The following PDS5B variants were observed in gnomAD, a reference collection of about 807,000 sequenced individuals.
PDS5B encodes the protein sister chromatid cohesion protein PDS5 homolog B.
PDS5B carries 51 observed loss-of-function variants against 184.1 expected under a neutral mutation model. The observed-to-expected ratio is 0.28, with a 90% CI of 0.22 to 0.35. PDS5B has a LOEUF of 0.35. PDS5B is among the 10% of genes least tolerant of loss of function. The probability of loss-of-function intolerance (pLI) is 1.00; values close to 1 mark genes in which losing one functional copy is unlikely to be tolerated. For missense variants in PDS5B, 1,180 were observed against 1,723.3 expected, an observed-to-expected ratio of 0.68 and a Z score of 5.58; for synonymous variants, 566 against 569.2, an observed-to-expected ratio of 0.99 and a Z score of 0.08.
At chr13:32,612,519 C>G (rs955727534) in intron 1 of PDS5B, among the ~76,000 whole-genome samples, 8 of 152,180 alleles carry the variant, frequency 5.3e-5, no homozygotes, top group Non-Finnish European at 1.0e-4. Flanking sequence ...TCATTACCCT[C>G]AAAAGAAACC....
chr13:32,651,971 T>C lies in PDS5B; in HGVS notation c.276T>C (p.Ala92=). The C allele has an allele frequency of 6.2e-7, 1 of 1,613,670 alleles. No homozygotes were observed. Among genetic ancestry groups the C allele is most frequent in the Non-Finnish European group, 8.5e-7 (1 of 1,179,654 alleles). The change falls in exon 3 of 35, where the codon GCT becomes GCC. Residue 92 remains alanine (A), a synonymous_variant. Coordinates refer to ENST00000315596, the MANE Select transcript of PDS5B (RefSeq NM_015032.4). ...TTGCTGATATTTTCAGGATTTATGC[T>C]CCTGAAGCTCCTTACACATCCCCTG... ...CCLADIFRIY[A]PEAPYTSPDK... is the part of the protein sequence containing the mutation.
chr13:32,689,829 A>C (rs1951496899), intron 13 of PDS5B: 1 of 152,132 alleles, frequency 6.6e-6, no homozygotes, highest in African/African-American at 2.4e-5. Context: ...TCTTTTTCTC[A>C]TGGCAAAATT....
At chr13:32,642,735 A>C (rs548271085) in intron 1 of PDS5B, among the ~76,000 whole-genome samples, 20 of 143,382 alleles carry the variant, frequency 1.4e-4, no homozygotes, top group African/African-American at 4.8e-4. Context: ...CCAGTAACTG[A>C]AATTTGCTCT....
At chr13:32,758,406 G>A in intron 27 of PDS5B, 128 bp from the exon 28 acceptor site, 1 of 1,022,766 alleles carries the variant, frequency 9.8e-7, no homozygotes, top group Non-Finnish European at 1.4e-6. Context: ...AAGCTAAGAT[G>A]CTTACACAGA....
chr13:32,613,501 A>G (rs1231438084), intron 1 of PDS5B, among the ~76,000 whole-genome samples: 1 of 152,210 alleles, frequency 6.6e-6, no homozygotes, highest in Admixed American at 6.5e-5. Context: ...GATGCTGAGC[A>G]TCTTTTTATT....
intron 31 of PDS5B, 71 bp from the exon 32 acceptor site, chr13:32,770,050 T>A: frequency 7.4e-7 from 1 of 1,359,884 alleles, no homozygotes. Context: ...ACAGATTTTT[T>A]TGTTTCATTC....
At chr13:32,656,551 C>T (rs1396816023) in intron 3 of PDS5B, among the ~76,000 whole-genome samples, 17 of 149,552 alleles carry the variant, frequency 1.1e-4, no homozygotes, top group African/African-American at 4.2e-4. Context: ...GGTCTTTTAC[C>T]ACCTTGGGTA....
chr13:32,743,735 TA>T (rs201005129), intron 23 of PDS5B, among the ~76,000 whole-genome samples: 32 of 151,570 alleles, frequency 2.1e-4, no homozygotes, highest in Non-Finnish European at 3.4e-4. Context: ...ACAAAACATA[TA>T]AAAAAAAACT....
In PDS5B at chr13:32,741,073, T is replaced by C; in HGVS notation, c.2407-7T>C. The C allele has an allele frequency of 6.8e-7, 1 of 1,473,090 alleles. No individual in the cohort carries two copies. Among genetic ancestry groups the C allele is most frequent in the Non-Finnish European group, 9.4e-7 (1 of 1,067,282 alleles). The allele number at this position is 1,473,090 out of a possible 1,614,324, so 91.3% of individuals were successfully genotyped here. On this transcript the variant is annotated splice_polypyrimidine_tract_variant and splice_region_variant and intron_variant, in intron 21 of 34. Coordinates refer to ENST00000315596, the MANE Select transcript of PDS5B (RefSeq NM_015032.4). ...CTGGTTTTTTTTTTTTTCTCGTTTA[T>C]TTTTAGCTTCCAGGGAAAAAGACAA...
At position 32,770,834 on chromosome 13, in the gene PDS5B, A is replaced by G. The variant is rs552361197; in HGVS notation, c.4172+73A>G. On this transcript the variant is annotated intron_variant, in intron 33 of 34. Transcript: ENST00000315596. ...AAAGTTCCTAAATTTGTAAACATACATATTGCTGTATTTAAATTCCATATA... is the reference window on the plus strand; with the variant it reads ...AAAGTTCCTAAATTTGTAAACATACGTATTGCTGTATTTAAATTCCATATA... 1,034 of 1,071,570 alleles carry G rather than the reference A, an allele frequency of 9.6e-4. 13 individuals are homozygous for G. The South Asian group carries it at 0.014, about 15-fold the overall frequency. The allele number at this position is 1,071,570 out of a possible 1,614,324, so 66.4% of individuals were successfully genotyped here.
intron 13 of PDS5B, 99 bp downstream of exon 13, chr13:32,688,668 T>G: frequency 1.3e-6 from 1 of 772,662 alleles, no homozygotes; most frequent in Non-Finnish European, 2.3e-6. Context: ...AAATGTAATC[T>G]ATGTAGTGTA....
At chr13:32,660,990 TAAA>T (rs1308585781) in intron 6 of PDS5B, among the ~76,000 whole-genome samples, 2 of 151,826 alleles carry the variant, frequency 1.3e-5, no homozygotes, top group Non-Finnish European at 2.9e-5. Flanking sequence ...ACAAAATTTT[TAAA>T]AAAAATTATA....
intron 1 of PDS5B, among the ~76,000 whole-genome samples, chr13:32,634,885 T>C (rs1012478835): frequency 6.6e-6 from 1 of 151,780 alleles, no homozygotes; most frequent in Non-Finnish European, 1.5e-5. Flanking sequence ...CCAGCCAACA[T>C]TTAACCTTTT....
chr13:32,630,173 G>T (rs888701851), intron 1 of PDS5B, among the ~76,000 whole-genome samples: 3 of 152,178 alleles, frequency 2.0e-5, no homozygotes, highest in African/African-American at 7.2e-5. Flanking sequence ...CTCCCCAGAA[G>T]AATGTACATT....
At chr13:32,714,466 A>G (rs1315708745) in intron 19 of PDS5B, among the ~76,000 whole-genome samples, 2 of 152,136 alleles carry the variant, frequency 1.3e-5, no homozygotes, top group Non-Finnish European at 2.9e-5. Context: ...TTAGGCAGGA[A>G]TTTCCTCTTC....
At chr13:32,678,524 A>T (rs972700558) in intron 9 of PDS5B, among the ~76,000 whole-genome samples, 3 of 152,296 alleles carry the variant, frequency 2.0e-5, no homozygotes, top group Admixed American at 1.3e-4. Flanking sequence ...GCATAAATAG[A>T]TGTATTTGAG....
intron 1 of PDS5B, among the ~76,000 whole-genome samples, chr13:32,609,213 C>A (rs1406674773): frequency 6.6e-6 from 1 of 152,106 alleles, no homozygotes; most frequent in Non-Finnish European, 1.5e-5. Flanking sequence ...ATCCCTTTAT[C>A]CGTTGTTGGA....
chr13:32,756,422 ATTAC>A (rs1954182501), intron 26 of PDS5B, among the ~76,000 whole-genome samples: 1 of 152,160 alleles, frequency 6.6e-6, no homozygotes, highest in East Asian at 1.9e-4. Flanking sequence ...ACTCCTACTT[ATTAC>A]TTAATTGGTG....
intron 21 of PDS5B, among the ~76,000 whole-genome samples, chr13:32,739,304 G>A (rs1046313059): frequency 6.6e-6 from 1 of 151,934 alleles, no homozygotes; most frequent in Non-Finnish European, 1.5e-5. Context: ...CTCCTATAGA[G>A]CCTCTGTTCT....
Sources: gnomAD v4.1 joint callset for allele counts (sites outside exome capture counted in the v4.1 genomes callset) on GRCh38, gnomAD v4.1.1 for gene constraint, MANE v1.5 for transcripts, NCBI Gene and HGNC (gene_info 2026-07-23, HGNC 2026-07-21) for gene names.